BICD1: variants seen among roughly 807,000 people sequenced by gnomAD.
The protein encoded by BICD1 is protein bicaudal D homolog 1.
Under a neutral mutation model 92.5 loss-of-function variants are expected in BICD1, and 35 were observed. That is an observed-to-expected ratio of 0.38 (90% CI 0.29 to 0.50). BICD1 has a LOEUF of 0.50. Ranked by LOEUF, BICD1 falls within the 20% of genes least tolerant of loss-of-function variation. The pLI is 0.93. For synonymous variants in BICD1, 429 were observed against 465.1 expected (o/e 0.92, Z 1.00); for missense variants, 950 against 1,189.8 (o/e 0.80, Z 2.97).
intron 2 of BICD1, among the ~76,000 whole-genome samples, chr12:32,231,885 A>G (rs1266880952): frequency 2.6e-5 from 4 of 151,576 alleles, no homozygotes; most frequent in Non-Finnish European, 4.4e-5. Flanking sequence ...ATGGTTTCCA[A>G]TTTCATCCAT....
At chr12:32,254,347 G>A (rs1183698632) in intron 2 of BICD1, among the ~76,000 whole-genome samples, 4 of 150,922 alleles carry the variant, frequency 2.7e-5, no homozygotes, top group Admixed American at 6.6e-5. Flanking sequence ...AATCACTGCC[G>A]TATCCCACCT....
At chr12:32,274,299 A>T (rs1346114989) in intron 2 of BICD1, among the ~76,000 whole-genome samples, 1 of 152,198 alleles carries the variant, frequency 6.6e-6, no homozygotes, top group Admixed American at 6.5e-5. Flanking sequence ...TAATAAGAAC[A>T]TCAGAACTGA....
intron 2 of BICD1, among the ~76,000 whole-genome samples, chr12:32,258,548 G>A (rs544920441): frequency 2.0e-5 from 3 of 152,038 alleles, no homozygotes; most frequent in South Asian, 2.1e-4. Context: ...CCACCAAGAC[G>A]CAGAGACCAG....
Position 32,318,124 on chromosome 12 carries a change from A to G in BICD1, c.1006-9337A>G, listed in dbSNP as rs1457576162. 3.3e-5 allele frequency among the ~76,000 whole-genome samples: 5 copies of G among 151,934 alleles called. No homozygotes were observed. In the East Asian group the frequency reaches 7.7e-4, roughly 23 times the overall value. ...GTTTTGGTTACTGTAGCCTTGTAGT[A>G]TAGTTTGAAGTCAGGTAGCCTGATG... On this transcript the variant is annotated intron_variant, in intron 4 of 9. Transcript: ENST00000652176.
intron 1 of BICD1, among the ~76,000 whole-genome samples, chr12:32,201,104 G>GT (rs1944894709): frequency 6.6e-6 from 1 of 152,118 alleles, no homozygotes; most frequent in Non-Finnish European, 1.5e-5. Context: ...AGAGCCTACT[G>GT]TAATTTTTTC....
chr12:32,359,878 C>A (rs1939255045), intron 8 of BICD1, among the ~76,000 whole-genome samples: 3 of 152,074 alleles, frequency 2.0e-5, no homozygotes, highest in Admixed American at 2.0e-4. Context: ...ATTTCTCCTG[C>A]CTATTTTTAA....
At chr12:32,224,081 A>G (rs1183787858) in intron 2 of BICD1, among the ~76,000 whole-genome samples, 2 of 152,260 alleles carry the variant, frequency 1.3e-5, no homozygotes, top group Non-Finnish European at 2.9e-5. Flanking sequence ...AGTGTTTCTT[A>G]CAGTCTCTGA....
chr12:32,224,859 A>G (rs1471541876), intron 2 of BICD1, among the ~76,000 whole-genome samples: 1 of 152,064 alleles, frequency 6.6e-6, no homozygotes, highest in East Asian at 1.9e-4. Context: ...GCACCACTAC[A>G]CTTGGCTAAA....
chr12:32,305,463 A>C (rs1362916608), intron 3 of BICD1, among the ~76,000 whole-genome samples: 2 of 151,430 alleles, frequency 1.3e-5, no homozygotes, highest in Non-Finnish European at 2.9e-5. Flanking sequence ...CTAATTATAT[A>C]TAACATTTAT....
intron 1 of BICD1, among the ~76,000 whole-genome samples, chr12:32,160,238 C>T (rs1943560980): frequency 6.6e-6 from 1 of 152,216 alleles, no homozygotes; most frequent in African/African-American, 2.4e-5. Flanking sequence ...TGCCAGGCAG[C>T]CTCGGCTAAT....
rs995615017 is a variant in BICD1, at chr12:32,328,920, A to T, written c.2100+365A>T. ...GCAGAATAGGCTGGCAAGGCAGGTT[A>T]CACCAACCAGGGCGATACAGCAAGA... On this transcript the variant is annotated intron_variant, in intron 5 of 9. Coordinates refer to ENST00000652176, the MANE Select transcript of BICD1 (RefSeq NM_001714.4). The surrounding 1 kb of genome is among the most constrained non-coding windows in gnomAD (Gnocchi z 4.4). Among the ~76,000 whole-genome samples the T allele has an allele frequency of 1.3e-5, 2 of 152,082 alleles. No individual in the cohort carries two copies. Among genetic ancestry groups the T allele is most frequent in the African/African-American group, 2.4e-5 (1 of 41,414 alleles).
rs530439056 is a variant in BICD1, at chr12:32,368,930, T to A, written c.2840+1185T>A. 6.6e-5 allele frequency among the ~76,000 whole-genome samples: 10 copies of A among 152,170 alleles called. No homozygotes were observed. The East Asian group carries it at 1.9e-3, about 29-fold the overall frequency. ...CCCTGTCTCTAGATAAATAGATAGA[T>A]AGACAGACAGATAGAACAGCTGTAT... is the stretch of plus-strand genomic sequence containing the variant. On this transcript the variant is annotated intron_variant, in intron 9 of 9. Transcript: ENST00000652176.
intron 2 of BICD1, among the ~76,000 whole-genome samples, chr12:32,275,678 G>A (rs924543335): frequency 6.6e-6 from 1 of 151,892 alleles, no homozygotes; most frequent in East Asian, 1.9e-4. Context: ...TCGCAGACCC[G>A]CCGCTGATTC....
intron 1 of BICD1, among the ~76,000 whole-genome samples, chr12:32,142,685 TA>T (rs34021709): frequency 0.22 from 33,692 of 152,094 alleles, 3,782 homozygotes; most frequent in South Asian, 0.33. Flanking sequence ...TTCTAAGCCT[TA>T]AAAAAATTTC....
At chr12:32,195,967 T>G (rs902191801) in intron 1 of BICD1, among the ~76,000 whole-genome samples, 1 of 152,138 alleles carries the variant, frequency 6.6e-6, no homozygotes, top group African/African-American at 2.4e-5. Context: ...AAAGCCCAAT[T>G]TAAAAACGGA....
rs532949568 is a variant in BICD1 at position 32,199,773 on chromosome 12, G to A, written c.214-16474G>A. 1.2e-4 allele frequency among the ~76,000 whole-genome samples: 19 copies of A among 152,220 alleles called. No individual in the cohort carries two copies. In the South Asian group the frequency reaches 3.9e-3, roughly 32 times the overall value. ...TTATTATGTCTCCTGCTTAAATCACGGAGGTTTGGGGAGTTCCTTCAGACC... is the reference window on the plus strand; with the variant it reads ...TTATTATGTCTCCTGCTTAAATCACAGAGGTTTGGGGAGTTCCTTCAGACC... On this transcript the variant is annotated intron_variant, in intron 1 of 9. Transcript: ENST00000652176.
At chr12:32,330,480 G>C (rs963946953) in intron 5 of BICD1, among the ~76,000 whole-genome samples, 3 of 151,494 alleles carry the variant, frequency 2.0e-5, no homozygotes, top group African/African-American at 4.9e-5. Context: ...TGTAAATGAC[G>C]AGTTAATGGG....
Position 32,182,278 on chromosome 12 carries a change from C to CTTTTTTTTTTTTTTTTT in BICD1, c.214-33963_214-33947dup. On this transcript the variant is annotated intron_variant, in intron 1 of 9. Coordinates refer to ENST00000652176, the MANE Select transcript of BICD1 (RefSeq NM_001714.4). Reference sequence around the variant, plus strand: ...TTCTTTTTTCTTTCTTTCTTTCTTTCTTTTTTTTTTTTTTTTTTTTTTGAG... The same window carrying CTTTTTTTTTTTTTTTTT: ...TTCTTTTTTCTTTCTTTCTTTCTTTCTTTTTTTTTTTTTTTTTTTTTTTTTTTTTTTTTTTTTTTGAG... Among the ~76,000 whole-genome samples the CTTTTTTTTTTTTTTTTT allele has an allele frequency of 3.1e-3, 253 of 81,388 alleles. 16 individuals are homozygous for CTTTTTTTTTTTTTTTTT. The highest frequency in any genetic ancestry group is 7.3e-3 in the East Asian group (18 of 2,464). 53.4% of individuals were successfully genotyped at this position (81,388 alleles called of 152,430 possible). A position where few individuals can be genotyped will look rare whatever the true frequency, so the allele number is the denominator to read the frequency against.
chr12:32,291,421 C>T (rs906984860), intron 2 of BICD1, among the ~76,000 whole-genome samples: 6 of 152,030 alleles, frequency 3.9e-5, no homozygotes, highest in African/African-American at 1.2e-4. Flanking sequence ...TCTGTAGGCC[C>T]AGCTACTCAG....
Sources: gnomAD v4.1 joint callset for allele counts (sites outside exome capture counted in the v4.1 genomes callset) on GRCh38, gnomAD v4.1.1 for gene constraint, Gnocchi (gnomAD v3.1) non-coding constraint, MANE v1.5 for transcripts, NCBI Gene and HGNC (gene_info 2026-07-23, HGNC 2026-07-21) for gene names.